The following ARAP3 variants were observed in gnomAD, a reference collection of about 807,000 sequenced individuals.
ARAP3 encodes ArfGAP with RhoGAP domain, ankyrin repeat and PH domain 3.
A neutral mutation model predicts 169.2 loss-of-function variants in ARAP3; 82 were observed. That is an observed-to-expected ratio of 0.48 (90% confidence interval 0.41 to 0.58). The LOEUF is 0.58. Among genes scored for constraint, ARAP3 ranks in the 20% least tolerant of loss-of-function variants. The pLI, the probability that ARAP3 is intolerant of heterozygous loss-of-function variation, is 0.00. For synonymous variants in ARAP3, 791 were observed against 800.3 expected (o/e 0.99, Z 0.20); for missense variants, 1,764 against 2,018.0 (o/e 0.87, Z 2.41).
chr5:141,673,792 G>C lies in ARAP3; in HGVS notation c.715C>G (p.Leu239Val). 6.2e-7 allele frequency: 1 copy of C among 1,614,068 alleles called. No individual in the cohort carries two copies. Among genetic ancestry groups the C allele is most frequent in the Non-Finnish European group, 8.5e-7 (1 of 1,180,030 alleles). ...TAGCCAGCATCCTCCCGTGCCTCCA[G>C]ATCCTGTCTGCTGAGCCTTGTGGGG... ...RAEHRLSRQDLEAREDAGYAS... is the reference protein window; with the variant it reads ...RAEHRLSRQDVEAREDAGYAS... The change falls in exon 5 of 33, where the codon CTG (leucine) becomes GTG (valine). Residue 239 changes from leucine (L) to valine (V), a missense_variant. This residue lies in a region of ARAP3 where 630 missense variants were observed against 678.7 expected (regional missense o/e 0.93). Coordinates refer to ENST00000239440, the MANE Select transcript of ARAP3 (RefSeq NM_022481.6).
intron 18 of ARAP3, 87 bp from the exon 19 acceptor site, chr5:141,665,172 C>G (rs764220250): frequency 2.6e-6 from 4 of 1,559,842 alleles, no homozygotes; most frequent in Non-Finnish European, 2.6e-6. Flanking sequence ...CAGCAGAGGG[C>G]AGCAACACCC....
chr5:141,654,303 T>G lies in ARAP3; in HGVS notation c.4282A>C (p.Thr1428Pro), dbSNP rs61749636. 0.069 allele frequency: 111,230 copies of G among 1,614,032 alleles called. 4,524 individuals are homozygous for G. Among genetic ancestry groups the G allele is most frequent in the Non-Finnish European group, 0.083 (97,829 of 1,179,982 alleles). Residue 1428 changes from threonine to proline, a missense_variant, in exon 33 of 33, where the codon ACA (threonine) becomes CCA (proline). By Grantham distance (38) the Thr-to-Pro change is conservative. Coordinates refer to ENST00000239440, the MANE Select transcript of ARAP3 (RefSeq NM_022481.6). ...IQDTSTSFST[T>P]REWTVKPENP... ...TCTGGCTTCACTGTCCACTCCCGTG[T>G]GGTGGAGAAGGAGGTAGAAGTGTCC...
intron 16 of ARAP3, among the ~76,000 whole-genome samples, chr5:141,668,556 G>A (rs529383866): frequency 1.3e-5 from 2 of 152,300 alleles, no homozygotes; most frequent in South Asian, 2.1e-4. Flanking sequence ...AGCACCCTCC[G>A]GGTAGCACTG....
Position 141,666,379 on chromosome 5 carries a change from G to A in ARAP3, c.2572+45C>T, listed in dbSNP as rs756761666. On this transcript the variant is annotated intron_variant, in intron 17 of 32. Transcript: ENST00000239440. ...AATAAAGGTCTGCTTCCATGCACCC[G>A]CATGGCCACCCTTCATCCCTGTCCC... 21 of 1,434,276 alleles carry A rather than the reference G, an allele frequency of 1.5e-5. 1 individual carries two copies. The highest frequency in any genetic ancestry group is 2.3e-4 in the Middle Eastern group (1 of 4,390). The allele number at this position is 1,434,276 out of a possible 1,614,324, so 88.8% of individuals were successfully genotyped here.
chr5:141,670,683 C>T (rs1270927290), intron 13 of ARAP3, 55 bp from the exon 14 acceptor site: 3 of 1,486,084 alleles, frequency 2.0e-6, no homozygotes, highest in Non-Finnish European at 2.8e-6. Context: ...GATAACCTGA[C>T]CCCCTCTGGG....
intron 21 of ARAP3, among the ~76,000 whole-genome samples, chr5:141,660,777 C>T (rs566846522): frequency 1.2e-4 from 19 of 152,110 alleles, no homozygotes; most frequent in African/African-American, 4.6e-4. Context: ...GCCACCATAC[C>T]TGGCCCCTGT....
chr5:141,655,648 G>T lies in ARAP3; in HGVS notation c.4083C>A (p.Ala1361=). 1.9e-6 allele frequency: 3 copies of T among 1,614,128 alleles called. No individual in the cohort carries two copies. The highest frequency in any genetic ancestry group is 2.5e-6 in the Non-Finnish European group (3 of 1,180,004). ...GGGTCTGATTGGCAGAGAGGAGGGTGGCTCCACTGTCATCCCCACGGATAG... is the reference window on the plus strand; with the variant it reads ...GGGTCTGATTGGCAGAGAGGAGGGTTGCTCCACTGTCATCCCCACGGATAG... ...LLPIRGDDSG[A]TLLSANQTLR... The change falls in exon 31 of 33, where the codon GCC becomes GCA. Residue 1361 remains alanine (A), a synonymous_variant. Transcript: ENST00000239440.
At chr5:141,675,043 C>T (rs1342779436) in intron 4 of ARAP3, among the ~76,000 whole-genome samples, 1 of 152,210 alleles carries the variant, frequency 6.6e-6, no homozygotes, top group African/African-American at 2.4e-5. Context: ...GGCCCGTAGG[C>T]CACTCCCCTG....
Position 141,671,350 on chromosome 5 carries a change from C to A in ARAP3, c.1905G>T (p.Gln635His), listed in dbSNP as rs1409356583. Residue 635 changes from glutamine to histidine, a missense_variant, in exon 13 of 33, where the codon CAG becomes CAT. Transcript: ENST00000239440. The surrounding 1 kb of genome is among the most constrained non-coding windows in gnomAD (Gnocchi z 4.9). ...ARPNLLKNMT[Q>H]LLCVEAFEGE... is the part of the protein sequence containing the mutation. ...CTTCAAAGGCCTCAACACAGAGGAG[C>A]TGGGTCATGTTCTTCAGCAGGTTGG... is the stretch of plus-strand genomic sequence containing the variant. 1 of 1,613,624 alleles carries A rather than the reference C, an allele frequency of 6.2e-7. No homozygotes were observed. Among genetic ancestry groups the A allele is most frequent in the Non-Finnish European group, 8.5e-7 (1 of 1,179,854 alleles).
In ARAP3 at chr5:141,672,457, C is replaced by T. The variant is rs2099911577; in HGVS notation, c.1385+95G>A. The T allele has an allele frequency of 1.3e-6, 2 of 1,495,908 alleles. No individual in the cohort carries two copies. The highest frequency in any genetic ancestry group is 1.8e-6 in the Non-Finnish European group (2 of 1,097,710). The allele number at this position is 1,495,908 out of a possible 1,614,324, so 92.7% of individuals were successfully genotyped here. On this transcript the variant is annotated intron_variant, in intron 9 of 32. Coordinates refer to ENST00000239440, the MANE Select transcript of ARAP3 (RefSeq NM_022481.6). This position sits in a 1 kb window ranked among gnomAD's most constrained non-coding sequence, Gnocchi z 4.9. ...CACTGGACTACCATCTGTGCATACC[C>T]TCTGACGTCCTACTAAAGAGGCCTC...
rs1204846459 is a variant in ARAP3, at chr5:141,671,562, C to T, written c.1854+8G>A. ...CACCCCAGATCACCCCTGCTCTGTC[C>T]CTCCTACCTGGAGAAGCTGGCTATG... On this transcript the variant is annotated splice_region_variant and intron_variant, in intron 12 of 32. Coordinates refer to ENST00000239440, the MANE Select transcript of ARAP3 (RefSeq NM_022481.6). This position sits in a 1 kb window ranked among gnomAD's most constrained non-coding sequence, Gnocchi z 4.9. 6.2e-7 allele frequency: 1 copy of T among 1,613,872 alleles called. No homozygotes were observed. The highest frequency in any genetic ancestry group is 8.5e-7 in the Non-Finnish European group (1 of 1,179,876).
At chr5:141,681,376 T>A (rs2099912948) in intron 1 of ARAP3, among the ~76,000 whole-genome samples, 1 of 152,182 alleles carries the variant, frequency 6.6e-6, no homozygotes, top group South Asian at 2.1e-4. Flanking sequence ...CCACCTCTGC[T>A]TTCTCCAAGC....
chr5:141,653,900 G>C lies in ARAP3; in HGVS notation c.*50C>G. ...GGAAGCTGCAACAGTGCCACGATAA[G>C]AGTTTCTGGGTCTTCTGGTACCTAC... On this transcript the variant is annotated 3_prime_UTR_variant, in exon 33 of 33. Transcript: ENST00000239440. 6.6e-7 allele frequency: 1 copy of C among 1,507,196 alleles called. No individual in the cohort carries two copies. The highest frequency in any genetic ancestry group is 8.9e-7 in the Non-Finnish European group (1 of 1,129,690). 93.4% of individuals were successfully genotyped at this position (1,507,196 alleles called of 1,614,324 possible).
intron 17 of ARAP3, 22 bp downstream of exon 17, chr5:141,666,402 C>A (rs371983014): frequency 4.6e-6 from 7 of 1,507,958 alleles, no homozygotes; most frequent in Non-Finnish European, 6.2e-6. Flanking sequence ...TCATCCCTGT[C>A]CCCCCAAACC....
chr5:141,671,645 G>A lies in ARAP3; in HGVS notation c.1779C>T (p.Phe593=), dbSNP rs2099911460. Residue 593 remains phenylalanine, a synonymous_variant, in exon 12 of 33, where the codon TTC becomes TTT. Transcript: ENST00000239440. This position sits in a 1 kb window ranked among gnomAD's most constrained non-coding sequence, Gnocchi z 4.9. ...PDATPGPRGE[F]ISRKYRLGLF... ...GACCCAGACGGTACTTTCGGGAGAT[G>A]AACTCTCCCCGGGGGCCAGGGGTCG... 5 of 1,614,074 alleles carry A rather than the reference G, an allele frequency of 3.1e-6. No homozygotes were observed. The East Asian group carries it at 1.1e-4, about 36-fold the overall frequency.
rs577351080 is a variant in ARAP3 at position 141,665,171 on chromosome 5, G to C, written c.2637-86C>G. 5.8e-6 allele frequency: 9 copies of C among 1,561,830 alleles called. No homozygotes were observed. In the African/African-American group the frequency reaches 1.1e-4, roughly 19 times the overall value. ...GACTTCCCAGAGCCACCAGCAGAGGGCAGCAACACCCAACCCAAATCATCC... is the reference window on the plus strand; with the variant it reads ...GACTTCCCAGAGCCACCAGCAGAGGCCAGCAACACCCAACCCAAATCATCC... On this transcript the variant is annotated intron_variant, in intron 18 of 32. Coordinates refer to ENST00000239440, the MANE Select transcript of ARAP3 (RefSeq NM_022481.6).
intron 19 of ARAP3, among the ~76,000 whole-genome samples, chr5:141,664,247 G>C (rs777102235): frequency 1.3e-5 from 2 of 152,128 alleles, no homozygotes; most frequent in African/African-American, 2.4e-5. Flanking sequence ...ATCCAGGTGT[G>C]GTGGGGCACG....
chr5:141,659,742 G>A (rs771897251), intron 22 of ARAP3, 37 bp downstream of exon 22: 8 of 1,593,704 alleles, frequency 5.0e-6, no homozygotes, highest in African/African-American at 1.3e-5. Context: ...AAGGGTAGGG[G>A]AAAGGGGTTG....
Position 141,653,662 on chromosome 5 carries a change from G to C in ARAP3, c.*288C>G. 1 of 314,780 alleles carries C rather than the reference G, an allele frequency of 3.2e-6. No homozygotes were observed. Among genetic ancestry groups the C allele is most frequent in the Non-Finnish European group, 5.8e-6 (1 of 173,246 alleles). 19.5% of individuals were successfully genotyped at this position (314,780 alleles called of 1,614,324 possible). A position where few individuals can be genotyped will look rare whatever the true frequency, so the allele number is the denominator to read the frequency against. ...AATATATAAAGCAGGAGCTGCCCTT[G>C]TTCAGGGATAATATGTGGGGCTTAT... On this transcript the variant is annotated 3_prime_UTR_variant, in exon 33 of 33. Coordinates refer to ENST00000239440, the MANE Select transcript of ARAP3 (RefSeq NM_022481.6).
Sources: allele counts gnomAD v4.1 joint callset (sites outside exome capture counted in the v4.1 genomes callset), GRCh38; gene constraint gnomAD v4.1.1; regional missense constraint gnomAD v4.1.1; non-coding constraint Gnocchi (gnomAD v3.1); transcripts MANE v1.5; gene names NCBI Gene and HGNC (gene_info 2026-07-23, HGNC 2026-07-21).